The following KAT6B variants were observed in gnomAD, a reference collection of about 807,000 sequenced individuals.
The protein encoded by KAT6B is histone acetyltransferase KAT6B.
Under a neutral mutation model 187.5 loss-of-function variants are expected in KAT6B, and 10 were observed. The ratio of observed to expected loss-of-function variants is 0.05; its 90% CI spans 0.03 to 0.09. The LOEUF (loss-of-function observed/expected upper bound fraction) is 0.09, where lower values mean the gene tolerates loss of function less well. KAT6B is among the 10% of genes least tolerant of loss of function. The probability of loss-of-function intolerance (pLI) is 1.00; values close to 1 mark genes in which losing one functional copy is unlikely to be tolerated. For missense variants in KAT6B, 1,952 were observed against 2,558.9 expected (o/e 0.76, Z 5.12); for synonymous variants, 861 against 926.8 (o/e 0.93, Z 1.29).
At chr10:74,954,661 A>G (rs1171984889) in intron 3 of KAT6B, among the ~76,000 whole-genome samples, 1 of 152,126 alleles carries the variant, frequency 6.6e-6, no homozygotes. Context: ...TTGTTCCTTC[A>G]CTAGGTCATA....
intron 3 of KAT6B, among the ~76,000 whole-genome samples, chr10:74,952,690 CTT>C (rs932430103): frequency 3.5e-5 from 5 of 143,004 alleles, no homozygotes; most frequent in Non-Finnish European, 3.1e-5. Context: ...ACAGAAGAGT[CTT>C]TTTTTTTTTT....
intron 16 of KAT6B, among the ~76,000 whole-genome samples, chr10:75,023,091 A>C (rs1845561647): frequency 6.6e-6 from 1 of 152,266 alleles, no homozygotes; most frequent in South Asian, 2.1e-4. Context: ...TTAGTAGCCC[A>C]GTGATGTCTC....
intron 1 of KAT6B, among the ~76,000 whole-genome samples, chr10:74,833,134 C>CAAAAAA (rs905808106): frequency 1.1e-4 from 6 of 52,260 alleles, no homozygotes; most frequent in East Asian, 6.0e-4. Flanking sequence ...GACTCTGTCT[C>CAAAAAA]AAAAAAAAAA....
intron 3 of KAT6B, among the ~76,000 whole-genome samples, chr10:74,849,696 G>A (rs1482817940): frequency 2.0e-5 from 3 of 152,192 alleles, no homozygotes; most frequent in African/African-American, 7.2e-5. Context: ...CTAACGTTTT[G>A]TAAGTGTTAA....
chr10:74,905,192 T>A (rs1023327955), intron 3 of KAT6B, among the ~76,000 whole-genome samples: 1 of 152,176 alleles, frequency 6.6e-6, no homozygotes, highest in African/African-American at 2.4e-5. Flanking sequence ...TCCTTGCCCA[T>A]TAAAGTGAAC....
intron 2 of KAT6B, among the ~76,000 whole-genome samples, chr10:74,841,189 G>A (rs1352014014): frequency 6.6e-6 from 1 of 152,198 alleles, no homozygotes; most frequent in African/African-American, 2.4e-5. Context: ...GTAGGGCTGG[G>A]GTTCAGACCC....
intron 3 of KAT6B, among the ~76,000 whole-genome samples, chr10:74,953,766 G>A (rs570772372): frequency 6.6e-6 from 1 of 152,150 alleles, no homozygotes; most frequent in Admixed American, 6.5e-5. Flanking sequence ...AGGAGGATAT[G>A]AATCTAAATA....
chr10:74,842,903 G>T lies in KAT6B; in HGVS notation c.46G>T (p.Ala16Ser), dbSNP rs747489662. 1.2e-6 allele frequency: 2 copies of T among 1,614,174 alleles called. No individual in the cohort carries two copies. Among genetic ancestry groups the T allele is most frequent in the South Asian group, 2.2e-5 (2 of 91,080 alleles). ...NPLYTEWILE[A>S]IQKIKKQKQR... ...ACTTTATACAGAGTGGATTCTTGAA[G>T]CTATACAGAAAATAAAAAAGCAAAA... Residue 16 changes from alanine to serine, a missense_variant, in exon 3 of 18, where the codon GCT becomes TCT. Transcript: ENST00000287239.
At chr10:74,836,960 T>C (rs1841353223) in intron 1 of KAT6B, among the ~76,000 whole-genome samples, 1 of 152,244 alleles carries the variant, frequency 6.6e-6, no homozygotes, top group African/African-American at 2.4e-5. Flanking sequence ...AAGTGTAAAC[T>C]CTATTATTAA....
intron 7 of KAT6B, 41 bp downstream of exon 7, chr10:74,972,680 C>G (rs1367864691): frequency 4.5e-6 from 7 of 1,567,586 alleles, no homozygotes; most frequent in Non-Finnish European, 6.1e-6. Flanking sequence ...TTATGTTTTG[C>G]TTTAAAATAT....
intron 3 of KAT6B, among the ~76,000 whole-genome samples, 186 bp from the exon 4 acceptor site, chr10:74,959,784 G>A (rs1020369693): frequency 5.3e-5 from 8 of 152,306 alleles, no homozygotes; most frequent in East Asian, 1.9e-4. Context: ...GCGAGACTTC[G>A]TCTCAAAAAT....
chr10:75,006,235 T>TA (rs1198824046), intron 13 of KAT6B, among the ~76,000 whole-genome samples: 6 of 152,110 alleles, frequency 3.9e-5, no homozygotes, highest in East Asian at 1.9e-4. Flanking sequence ...ATAATAAAGA[T>TA]AAAAAATTGC....
At chr10:74,956,428 G>A (rs1018739462) in intron 3 of KAT6B, among the ~76,000 whole-genome samples, 1 of 152,074 alleles carries the variant, frequency 6.6e-6, no homozygotes, top group African/African-American at 2.4e-5. Context: ...GGTGTTTAGT[G>A]GTTACCTTTT....
chr10:74,899,806 TTAAA>T (rs1846256541), intron 3 of KAT6B, among the ~76,000 whole-genome samples: 1 of 152,128 alleles, frequency 6.6e-6, no homozygotes, highest in Admixed American at 6.5e-5. Context: ...TGGTCAAATG[TTAAA>T]TAGTTAAAAT....
chr10:74,907,456 A>C (rs1371304480), intron 3 of KAT6B, among the ~76,000 whole-genome samples: 1 of 152,074 alleles, frequency 6.6e-6, no homozygotes, highest in Non-Finnish European at 1.5e-5. Context: ...GTGCAGTCAC[A>C]CTGCTTCGTG....
At chr10:74,951,278 C>A (rs1292872498) in intron 3 of KAT6B, among the ~76,000 whole-genome samples, 1 of 151,878 alleles carries the variant, frequency 6.6e-6, no homozygotes, top group African/African-American at 2.4e-5. Context: ...TACAGGTGCG[C>A]ACCACCATGC....
In KAT6B at chr10:74,879,150, C is replaced by T. The variant is rs76460273; in HGVS notation, c.621+35672C>T. Among the ~76,000 whole-genome samples the T allele has an allele frequency of 3.1e-3, 474 of 152,252 alleles. 1 individual carries two copies. The highest frequency in any genetic ancestry group is 0.011 in the African/African-American group (456 of 41,536). On this transcript the variant is annotated intron_variant, in intron 3 of 17. Coordinates refer to ENST00000287239, the MANE Select transcript of KAT6B (RefSeq NM_012330.4). ...AGGCAAAGGAGAAGATGGTGGGAAT[C>T]GGTTTGCATCAGTCACTCTACACAT...
chr10:75,030,354 G>A lies in KAT6B; in HGVS notation c.5530G>A (p.Ala1844Thr), dbSNP rs1168396441. The A allele has an allele frequency of 6.2e-7, 1 of 1,614,196 alleles. No individual in the cohort carries two copies. Among genetic ancestry groups the A allele is most frequent in the Admixed American group, 1.7e-5 (1 of 60,030 alleles). ...YSHSAAVTSY[A>T]NSASLSTPLS... The stretch of plus-strand genomic sequence containing the variant: ...CCATTCCGCTGCTGTGACTTCCTAT[G>A]CAAACAGTGCCTCTTTGTCCACACC... The change falls in exon 18 of 18, where the codon GCA (alanine) becomes ACA (threonine). Residue 1844 changes from alanine to threonine, a missense_variant. Ala to Thr is a moderately conservative substitution (Grantham distance 58). Coordinates refer to ENST00000287239, the MANE Select transcript of KAT6B (RefSeq NM_012330.4). The surrounding 1 kb of genome is among the most constrained non-coding windows in gnomAD (Gnocchi z 4.8).
intron 13 of KAT6B, among the ~76,000 whole-genome samples, chr10:75,018,493 T>G (rs888457628): frequency 1.3e-5 from 2 of 152,086 alleles, no homozygotes; most frequent in Non-Finnish European, 2.9e-5. Flanking sequence ...CCTGACAGGG[T>G]GTGTGTGCAC....
Sources: allele counts gnomAD v4.1 joint callset (sites outside exome capture counted in the v4.1 genomes callset), GRCh38; gene constraint gnomAD v4.1.1; non-coding constraint Gnocchi (gnomAD v3.1); transcripts MANE v1.5; gene names NCBI Gene and HGNC (gene_info 2026-07-23, HGNC 2026-07-21).